The following SCLT1 variants were observed in gnomAD, a reference collection of about 807,000 sequenced individuals.
SCLT1 encodes the protein sodium channel-associated protein 1.
SCLT1 carries 78 observed loss-of-function variants against 112.8 expected under a neutral mutation model. The ratio of observed to expected loss-of-function variants is 0.69; its 90% CI spans 0.58 to 0.83. The LOEUF (loss-of-function observed/expected upper bound fraction) is 0.83. Ranked by LOEUF, SCLT1 falls within the 40% of genes least tolerant of loss-of-function variation. The probability of loss-of-function intolerance (pLI) is 0.00; values close to 1 mark genes in which losing one functional copy is unlikely to be tolerated. For missense variants in SCLT1, 747 were observed against 770.4 expected (o/e 0.97, Z 0.36); for synonymous variants, 257 against 254.7 (o/e 1.01, Z -0.09).
intron 6 of SCLT1, among the ~76,000 whole-genome samples, chr4:129,002,339 A>T (rs1382018356): frequency 6.6e-6 from 1 of 152,030 alleles, no homozygotes; most frequent in African/African-American, 2.4e-5. Flanking sequence ...ATTCACAAAA[A>T]ATTAGTTGAA....
At chr4:129,026,092 A>T (rs867143262) in intron 5 of SCLT1, among the ~76,000 whole-genome samples, 7 of 152,294 alleles carry the variant, frequency 4.6e-5, no homozygotes, top group African/African-American at 1.7e-4. Context: ...CTCCAACACA[A>T]TAATAATGGG....
chr4:128,944,422 C>T (rs1047327353), intron 16 of SCLT1, among the ~76,000 whole-genome samples: 1 of 152,096 alleles, frequency 6.6e-6, no homozygotes, highest in East Asian at 1.9e-4. Flanking sequence ...CCAGATCAAG[C>T]CTCTGGGTCT....
chr4:129,048,970 C>T (rs186904483), intron 2 of SCLT1, among the ~76,000 whole-genome samples: 42,953 of 148,908 alleles, frequency 0.29, 6,329 homozygotes, highest in South Asian at 0.34. Flanking sequence ...CATTAAAAAG[C>T]CAGGAAACAA....
At chr4:128,957,429 G>A (rs1181286855) in intron 12 of SCLT1, among the ~76,000 whole-genome samples, 2 of 151,944 alleles carry the variant, frequency 1.3e-5, no homozygotes, top group Non-Finnish European at 2.9e-5. Context: ...CCTATATAAA[G>A]TAAATAATCA....
intron 15 of SCLT1, 39 bp downstream of exon 15, chr4:128,948,457 G>A: frequency 6.3e-7 from 1 of 1,592,538 alleles, no homozygotes; most frequent in South Asian, 1.1e-5. Context: ...CATATTTGCA[G>A]TTGGGTTTTA....
At chr4:129,049,807 TG>T (rs1748585647) in intron 2 of SCLT1, among the ~76,000 whole-genome samples, 1 of 152,020 alleles carries the variant, frequency 6.6e-6, no homozygotes, top group African/African-American at 2.4e-5. Flanking sequence ...TGTGCCATGG[TG>T]GTTTGCTGCA....
intron 10 of SCLT1, among the ~76,000 whole-genome samples, chr4:128,968,188 G>A (rs576453649): frequency 6.6e-6 from 1 of 151,980 alleles, no homozygotes; most frequent in Non-Finnish European, 1.5e-5. Context: ...CCTCCCTTTG[G>A]CAGTTCCAAT....
At chr4:129,014,428 T>C (rs528541289) in intron 5 of SCLT1, among the ~76,000 whole-genome samples, 1 of 152,308 alleles carries the variant, frequency 6.6e-6, no homozygotes, top group South Asian at 2.1e-4. Flanking sequence ...TTCTTTCTCA[T>C]CTTTGTGGGT....
At chr4:129,082,555 T>C (rs776053147) in intron 1 of SCLT1, among the ~76,000 whole-genome samples, 182 bp from the exon 2 acceptor site, 20 of 152,034 alleles carry the variant, frequency 1.3e-4, no homozygotes, top group African/African-American at 2.9e-4. Context: ...CCCTTTTATA[T>C]ATCTAAGCCA....
chr4:128,956,905 T>A (rs1739264027), intron 13 of SCLT1, 121 bp downstream of exon 13: 2 of 561,326 alleles, frequency 3.6e-6, no homozygotes, highest in Admixed American at 3.6e-5. Context: ...AATAATTTCA[T>A]ATGGAGTCTT....
intron 5 of SCLT1, among the ~76,000 whole-genome samples, chr4:129,011,796 T>C (rs1428917377): frequency 6.6e-6 from 1 of 152,164 alleles, no homozygotes; most frequent in Non-Finnish European, 1.5e-5. Context: ...TTCATCCATT[T>C]CTTCTAGATA....
chr4:128,939,127 C>T lies in SCLT1; in HGVS notation c.1633-2276G>A, dbSNP rs185896124. ...GTTTCACAAGCTTTGCTTTAAGACC[C>T]TTTATGATAACCTGGTCCCTGCTTA... On this transcript the variant is annotated intron_variant, in intron 17 of 20. Transcript: ENST00000281142. 1.6e-3 allele frequency among the ~76,000 whole-genome samples: 237 copies of T among 152,310 alleles called. 2 individuals are homozygous for T. Among genetic ancestry groups the T allele is most frequent in the East Asian group, 0.014 (70 of 5,178 alleles).
At chr4:129,041,639 T>C (rs1424536042) in intron 4 of SCLT1, 1 of 152,172 alleles carries the variant, frequency 6.6e-6, no homozygotes, top group African/African-American at 2.4e-5. Flanking sequence ...GATCCCTTCA[T>C]GTCCGTGCAT....
chr4:128,916,123 G>A (rs973175449), intron 18 of SCLT1, among the ~76,000 whole-genome samples: 11 of 152,106 alleles, frequency 7.2e-5, no homozygotes. Context: ...TAAATTGCAA[G>A]GTATAATTCT....
intron 8 of SCLT1, among the ~76,000 whole-genome samples, chr4:128,996,078 C>T (rs750359721): frequency 1.8e-4 from 27 of 152,022 alleles, no homozygotes; most frequent in Non-Finnish European, 3.2e-4. Context: ...TCCCTTCCCT[C>T]CCCTGGGTGA....
intron 5 of SCLT1, among the ~76,000 whole-genome samples, chr4:129,017,200 G>A (rs1006112563): frequency 6.6e-6 from 1 of 151,624 alleles, no homozygotes; most frequent in African/African-American, 2.4e-5. Context: ...TTTGTGGGGG[G>A]GGAATTTGTA....
intron 9 of SCLT1, among the ~76,000 whole-genome samples, chr4:128,975,748 C>A (rs1741115921): frequency 6.6e-6 from 1 of 152,126 alleles, no homozygotes; most frequent in African/African-American, 2.4e-5. Context: ...CACTTAAAAA[C>A]TTTAGAAAAT....
chr4:129,042,822 T>A (rs1747820085), intron 4 of SCLT1, among the ~76,000 whole-genome samples: 1 of 151,636 alleles, frequency 6.6e-6, no homozygotes, highest in South Asian at 2.1e-4. Context: ...CTAACTTCAT[T>A]CCAGCACTTT....
chr4:128,959,605 T>A lies in SCLT1; in HGVS notation c.1042A>T (p.Ser348Cys). ...QLLEEANLQK[S>C]QALLEEKQKE... ...ATATTTACTAGCTTTCTTACCTGACTTTTTTGAAGGTTAGCTTCTTCTAAG... is the reference window on the plus strand; with the variant it reads ...ATATTTACTAGCTTTCTTACCTGACATTTTTGAAGGTTAGCTTCTTCTAAG... The change falls in exon 12 of 21, where the codon AGT (serine) becomes TGT (cysteine). Residue 348 changes from serine (S) to cysteine (C), a missense_variant. Ser to Cys is a moderately radical substitution (Grantham distance 112). This residue lies in a region of SCLT1 where 723 missense variants were observed against 721.3 expected (regional missense o/e 1.00). Coordinates refer to ENST00000281142, the MANE Select transcript of SCLT1 (RefSeq NM_144643.4). The A allele has an allele frequency of 6.2e-7, 1 of 1,612,070 alleles. No individual in the cohort carries two copies. Among genetic ancestry groups the A allele is most frequent in the Non-Finnish European group, 8.5e-7 (1 of 1,178,872 alleles).
Sources: allele counts gnomAD v4.1 joint callset (sites outside exome capture counted in the v4.1 genomes callset), GRCh38; gene constraint gnomAD v4.1.1; regional missense constraint gnomAD v4.1.1; transcripts MANE v1.5; gene names NCBI Gene and HGNC (gene_info 2026-07-23, HGNC 2026-07-21).